Variants in PCDH9 observed in about 807,000 individuals in gnomAD.
PCDH9 encodes protocadherin 9, also known as protocadherin-9.
PCDH9 carries 24 observed loss-of-function variants against 70.6 expected under a neutral mutation model. The observed-to-expected ratio is 0.34, with a 90% CI of 0.25 to 0.48. The LOEUF is 0.48. PCDH9 is among the 20% of genes least tolerant of loss of function. The pLI, the probability that PCDH9 is intolerant of heterozygous loss-of-function variation, is 0.99. For synonymous variants in PCDH9, 562 were observed against 558.5 expected, an observed-to-expected ratio of 1.01 and a Z score of -0.09; for missense variants, 1,281 against 1,503.6, an observed-to-expected ratio of 0.85 and a Z score of 2.45.
chr13:66,946,595 C>T (rs957720016), intron 2 of PCDH9, among the ~76,000 whole-genome samples: 1 of 151,922 alleles, frequency 6.6e-6, no homozygotes, highest in African/African-American at 2.4e-5. Context: ...ACAAGGAAAA[C>T]ATGACAAGGG....
intron 4 of PCDH9, among the ~76,000 whole-genome samples, chr13:66,441,494 A>C (rs2138402291): frequency 6.6e-6 from 1 of 152,284 alleles, no homozygotes; most frequent in Admixed American, 6.5e-5. Context: ...AGTATTAAAT[A>C]AATTCTGTTA....
chr13:67,171,931 A>G (rs977546781), intron 2 of PCDH9, among the ~76,000 whole-genome samples: 3 of 152,226 alleles, frequency 2.0e-5, no homozygotes, highest in African/African-American at 7.2e-5. Flanking sequence ...TCTGCCTTAC[A>G]TCGCCTGCTC....
At chr13:66,585,935 C>T (rs1426507700) in intron 4 of PCDH9, among the ~76,000 whole-genome samples, 1 of 152,060 alleles carries the variant, frequency 6.6e-6, no homozygotes, top group East Asian at 1.9e-4. Context: ...AAGCAGAGCC[C>T]ATTAAATGAG....
intron 3 of PCDH9, among the ~76,000 whole-genome samples, chr13:66,778,997 CATT>C: frequency 6.6e-6 from 1 of 152,064 alleles, no homozygotes; most frequent in Non-Finnish European, 1.5e-5. Context: ...AGGATTTGAC[CATT>C]ATTCTGACAA....
intron 2 of PCDH9, chr13:67,214,970 A>ATG (rs2089566370): frequency 6.6e-5 from 8 of 120,506 alleles, no homozygotes; most frequent in South Asian, 2.8e-4. Context: ...ATATATATAT[A>ATG]TATTCACTTA....
chr13:66,487,370 C>G (rs1958961008), intron 4 of PCDH9, among the ~76,000 whole-genome samples: 1 of 152,084 alleles, frequency 6.6e-6, no homozygotes, highest in South Asian at 2.1e-4. Context: ...AAGAACAATT[C>G]CCATTTTTTT....
At chr13:66,516,896 G>A (rs570661207) in intron 4 of PCDH9, among the ~76,000 whole-genome samples, 33 of 152,186 alleles carry the variant, frequency 2.2e-4, no homozygotes, top group African/African-American at 7.2e-4. Flanking sequence ...TACAGTGAGT[G>A]TCATATGGTT....
intron 3 of PCDH9, among the ~76,000 whole-genome samples, chr13:66,657,433 C>T (rs1411041155): frequency 6.6e-6 from 1 of 152,102 alleles, no homozygotes; most frequent in East Asian, 1.9e-4. Context: ...AGGAAGAATG[C>T]CAAATGGAGA....
At chr13:66,369,754 T>C (rs1335426792) in intron 4 of PCDH9, among the ~76,000 whole-genome samples, 1 of 152,096 alleles carries the variant, frequency 6.6e-6, no homozygotes, top group African/African-American at 2.4e-5. Flanking sequence ...ATATGGTATA[T>C]GGTGAAGGCT....
At chr13:66,978,175 T>C (rs2083659937) in intron 2 of PCDH9, among the ~76,000 whole-genome samples, 1 of 152,142 alleles carries the variant, frequency 6.6e-6, no homozygotes, top group Non-Finnish European at 1.5e-5. Flanking sequence ...TTCTTGTTAG[T>C]TTGGAGTTTT....
chr13:66,615,652 G>A (rs964596087), intron 4 of PCDH9, among the ~76,000 whole-genome samples: 1 of 152,178 alleles, frequency 6.6e-6, no homozygotes, highest in Admixed American at 6.5e-5. Flanking sequence ...ATCATGAAGA[G>A]CTGAAATACT....
intron 4 of PCDH9, among the ~76,000 whole-genome samples, chr13:66,315,040 G>A (rs74093045): frequency 0.012 from 1,865 of 152,292 alleles, 49 homozygotes; most frequent in African/African-American, 0.043. Context: ...AGGACGGGAA[G>A]GATTCAATTG....
chr13:67,129,550 A>G (rs2087058865), intron 2 of PCDH9, among the ~76,000 whole-genome samples: 1 of 152,110 alleles, frequency 6.6e-6, no homozygotes, highest in South Asian at 2.1e-4. Flanking sequence ...GGTTAAAATA[A>G]TATAATCATG....
At chr13:66,600,805 T>C (rs1276734039) in intron 4 of PCDH9, among the ~76,000 whole-genome samples, 5 of 138,716 alleles carry the variant, frequency 3.6e-5, no homozygotes, top group East Asian at 4.0e-4. Context: ...TGTAAGGGAG[T>C]TAATTTTATA....
intron 2 of PCDH9, among the ~76,000 whole-genome samples, chr13:66,973,688 A>C (rs2083564317): frequency 6.6e-6 from 1 of 152,074 alleles, no homozygotes; most frequent in Non-Finnish European, 1.5e-5. Flanking sequence ...GAAAGTCATC[A>C]TTCATAACAG....
intron 2 of PCDH9, among the ~76,000 whole-genome samples, chr13:67,013,991 T>G (rs2084506868): frequency 6.6e-6 from 1 of 152,088 alleles, no homozygotes; most frequent in Non-Finnish European, 1.5e-5. Context: ...ACTCTGTTTA[T>G]TTGTTCTTCA....
chr13:67,188,535 T>C (rs1248629704), intron 2 of PCDH9, among the ~76,000 whole-genome samples: 1 of 152,124 alleles, frequency 6.6e-6, no homozygotes, highest in African/African-American at 2.4e-5. Context: ...TCTGTTAATT[T>C]CAATAAGTTA....
intron 2 of PCDH9, chr13:67,222,018 G>C (rs1349736432): frequency 6.6e-6 from 1 of 152,136 alleles, no homozygotes. Flanking sequence ...TACGAAATCA[G>C]AGCCTCTGGG....
chr13:66,497,420 T>A (rs1331796157), intron 4 of PCDH9, among the ~76,000 whole-genome samples: 1 of 152,208 alleles, frequency 6.6e-6, no homozygotes, highest in African/African-American at 2.4e-5. Context: ...TTATAGGTTA[T>A]GCTTTGTTTA....
Sources: allele counts gnomAD v4.1 joint callset (sites outside exome capture counted in the v4.1 genomes callset), GRCh38; gene constraint gnomAD v4.1.1; transcripts MANE v1.5; gene names NCBI Gene and HGNC (gene_info 2026-07-23, HGNC 2026-07-21).